KCTD16: variants seen among roughly 807,000 people sequenced by gnomAD.
KCTD16 encodes the protein potassium channel tetramerization domain containing 16.
A neutral mutation model predicts 33.2 loss-of-function variants in KCTD16; 13 were observed. That is an observed-to-expected ratio of 0.39 (90% confidence interval 0.25 to 0.62). The LOEUF (loss-of-function observed/expected upper bound fraction) is 0.62, where lower values mean the gene tolerates loss of function less well. KCTD16 is among the 20% of genes least tolerant of loss of function. KCTD16 has a pLI of 0.50. For synonymous variants in KCTD16, 197 were observed against 195.3 expected, an observed-to-expected ratio of 1.01 and a Z score of -0.07; for missense variants, 441 against 525.1, an observed-to-expected ratio of 0.84 and a Z score of 1.57.
chr5:144,234,744 T>A (rs1258749034), intron 3 of KCTD16, among the ~76,000 whole-genome samples: 1 of 152,072 alleles, frequency 6.6e-6, no homozygotes, highest in Non-Finnish European at 1.5e-5. Flanking sequence ...TATAAAGCAT[T>A]GTATGAAAGA....
At chr5:144,303,074 A>G (rs1447886083) in intron 3 of KCTD16, among the ~76,000 whole-genome samples, 1 of 152,158 alleles carries the variant, frequency 6.6e-6, no homozygotes, top group Non-Finnish European at 1.5e-5. Flanking sequence ...TGTATAATTG[A>G]CATTATTAGA....
chr5:144,272,132 C>T (rs189510330), intron 3 of KCTD16, among the ~76,000 whole-genome samples: 35 of 152,146 alleles, frequency 2.3e-4, no homozygotes, highest in East Asian at 7.7e-4. Flanking sequence ...ATTGTAATGA[C>T]GATTTTTGTA....
intron 3 of KCTD16, among the ~76,000 whole-genome samples, chr5:144,349,652 G>C (rs1363441454): frequency 6.6e-6 from 1 of 152,198 alleles, no homozygotes; most frequent in South Asian, 2.1e-4. Context: ...CTGGTCTTCA[G>C]TCTGTGCTAG....
intron 3 of KCTD16, among the ~76,000 whole-genome samples, chr5:144,370,548 G>C (rs1048102473): frequency 2.4e-4 from 36 of 152,184 alleles, no homozygotes; most frequent in Non-Finnish European, 1.0e-4. Context: ...TTTTACAGAT[G>C]AGAATCTTGG....
chr5:144,221,542 T>A (rs1753754662), intron 3 of KCTD16, among the ~76,000 whole-genome samples: 2 of 152,188 alleles, frequency 1.3e-5, no homozygotes, highest in African/African-American at 4.8e-5. Context: ...CTTGTGTTAG[T>A]TTGCTGAGAA....
chr5:144,449,309 T>A (rs1375994707), intron 3 of KCTD16, among the ~76,000 whole-genome samples: 1 of 152,032 alleles, frequency 6.6e-6, no homozygotes, highest in East Asian at 1.9e-4. Context: ...TTGATATTGT[T>A]AGAATGTGCA....
At chr5:144,468,307 A>G (rs145123941) in intron 3 of KCTD16, among the ~76,000 whole-genome samples, 2 of 152,218 alleles carry the variant, frequency 1.3e-5, no homozygotes, top group Non-Finnish European at 2.9e-5. Context: ...CACTTCTCCC[A>G]TGTCTGTCTA....
chr5:144,343,948 A>G (rs1414103851), intron 3 of KCTD16, among the ~76,000 whole-genome samples: 1 of 152,154 alleles, frequency 6.6e-6, no homozygotes, highest in African/African-American at 2.4e-5. Context: ...ACGCTACCTG[A>G]CTTCAAACTA....
chr5:144,171,745 G>A (rs1752389023), intron 1 of KCTD16, among the ~76,000 whole-genome samples: 2 of 152,196 alleles, frequency 1.3e-5, no homozygotes, highest in Admixed American at 6.5e-5. Context: ...CATAGGAGTT[G>A]AGGCTGGAAT....
At chr5:144,299,144 ATATATTTTTTTTTT>A (rs1474362765) in intron 3 of KCTD16, among the ~76,000 whole-genome samples, 3 of 15,858 alleles carry the variant, frequency 1.9e-4, no homozygotes, top group African/African-American at 1.0e-3. Context: ...ATATATATAT[ATATATTTTTTTTTT>A]TTTTTTTAAC....
intron 3 of KCTD16, among the ~76,000 whole-genome samples, chr5:144,471,725 T>A (rs1754481107): frequency 6.6e-6 from 1 of 152,210 alleles, no homozygotes; most frequent in Non-Finnish European, 1.5e-5. Flanking sequence ...AGTTTCTGTA[T>A]TGCATGGAAA....
chr5:144,412,622 A>G (rs1752957147), intron 3 of KCTD16, among the ~76,000 whole-genome samples: 1 of 152,178 alleles, frequency 6.6e-6, no homozygotes. Flanking sequence ...GCGGTGGCTC[A>G]TGCCTGTAAT....
intron 3 of KCTD16, among the ~76,000 whole-genome samples, chr5:144,422,661 A>G (rs988328228): frequency 6.6e-6 from 1 of 152,206 alleles, no homozygotes. Flanking sequence ...GAGTTTATAT[A>G]ATGAAAGAGT....
rs1755006780 is a variant in KCTD16, at chr5:144,261,350, G to C, written c.832+53804G>C. Among the ~76,000 whole-genome samples, 3 of 152,062 alleles carry C rather than the reference G, an allele frequency of 2.0e-5. No homozygotes were observed. In the South Asian group the frequency reaches 6.2e-4, roughly 32 times the overall value. On this transcript the variant is annotated intron_variant, in intron 3 of 3. Transcript: ENST00000512467. ...AAAACACTAGATTTACTGAAAGTAGGGGGTTTTCTTAGAAGATTAATTTGA... is the reference window on the plus strand; with the variant it reads ...AAAACACTAGATTTACTGAAAGTAGCGGGTTTTCTTAGAAGATTAATTTGA...
chr5:144,275,349 C>T (rs1399679027), intron 3 of KCTD16, among the ~76,000 whole-genome samples: 1 of 152,142 alleles, frequency 6.6e-6, no homozygotes, highest in Non-Finnish European at 1.5e-5. Flanking sequence ...CTCATTGCAC[C>T]TAATAACCAG....
At chr5:144,355,311 A>C (rs1237528453) in intron 3 of KCTD16, among the ~76,000 whole-genome samples, 1 of 152,224 alleles carries the variant, frequency 6.6e-6, no homozygotes, top group African/African-American at 2.4e-5. Flanking sequence ...AAAAAGAAAA[A>C]TAAATTCCAA....
At chr5:144,336,321 C>G (rs1453886235) in intron 3 of KCTD16, among the ~76,000 whole-genome samples, 1 of 152,188 alleles carries the variant, frequency 6.6e-6, no homozygotes, top group East Asian at 1.9e-4. Context: ...GTGTGCAAGC[C>G]TGAACTCCAG....
intron 3 of KCTD16, among the ~76,000 whole-genome samples, chr5:144,309,341 C>T (rs1330641399): frequency 6.6e-6 from 1 of 151,716 alleles, no homozygotes; most frequent in East Asian, 1.9e-4. Flanking sequence ...GACTGGAGAC[C>T]CAGGGCATTC....
At chr5:144,197,873 G>T (rs899508440) in intron 2 of KCTD16, among the ~76,000 whole-genome samples, 3 of 152,150 alleles carry the variant, frequency 2.0e-5, no homozygotes, top group African/African-American at 7.2e-5. Context: ...TTATTAATTT[G>T]TTTGGCCACA....
Sources: allele counts gnomAD v4.1 joint callset (sites outside exome capture counted in the v4.1 genomes callset), GRCh38; gene constraint gnomAD v4.1.1; transcripts MANE v1.5; gene names NCBI Gene and HGNC (gene_info 2026-07-23, HGNC 2026-07-21).